Variants in GABRG1 observed in about 807,000 individuals in gnomAD.
GABRG1 encodes the protein gamma-aminobutyric acid receptor subunit gamma-1.
GABRG1 carries 49 observed loss-of-function variants against 49.8 expected under a neutral mutation model. That is an observed-to-expected ratio of 0.98 (90% CI 0.78 to 1.25). The LOEUF (loss-of-function observed/expected upper bound fraction) is 1.25, where lower values mean the gene tolerates loss of function less well. Ranked by LOEUF, GABRG1 falls within the 50% of genes most tolerant of loss-of-function variation. The pLI, the probability that GABRG1 is intolerant of heterozygous loss-of-function variation, is 0.00. For missense variants in GABRG1, 552 were observed against 552.3 expected, an observed-to-expected ratio of 1.00 and a Z score of 0.01; for synonymous variants, 232 against 185.1, an observed-to-expected ratio of 1.25 and a Z score of -2.06.
At chr4:46,113,112 C>G (rs887706495) in intron 1 of GABRG1, among the ~76,000 whole-genome samples, 1 of 151,120 alleles carries the variant, frequency 6.6e-6, no homozygotes, top group Non-Finnish European at 1.5e-5. Context: ...ACTATTTGCT[C>G]TTCTATCCAA....
In GABRG1 at chr4:46,097,364, GA is replaced by G. The variant is rs768920884; in HGVS notation, c.105-16del. On this transcript the variant is annotated splice_polypyrimidine_tract_variant and intron_variant, in intron 1 of 8. Coordinates refer to ENST00000295452, the MANE Select transcript of GABRG1 (RefSeq NM_173536.4). ...CCTTATCAACACTAAATAATTCAAA[GA>G]AAAAAATGGATGGTAGAAGGTTCAA... 28 of 1,581,370 alleles carry G rather than the reference GA, an allele frequency of 1.8e-5. No homozygotes were observed. The highest frequency in any genetic ancestry group is 2.3e-5 in the Non-Finnish European group (27 of 1,166,688).
chr4:46,089,688 C>T (rs1269983253), intron 2 of GABRG1, among the ~76,000 whole-genome samples: 2 of 152,046 alleles, frequency 1.3e-5, no homozygotes, highest in Admixed American at 1.3e-4. Context: ...ATAGGCTAGG[C>T]ATGGTGGCTT....
intron 3 of GABRG1, among the ~76,000 whole-genome samples, chr4:46,075,552 C>T (rs1719295851): frequency 6.6e-6 from 1 of 151,960 alleles, no homozygotes; most frequent in African/African-American, 2.4e-5. Context: ...ATCCGAATCC[C>T]CTGGCCTGAG....
At chr4:46,118,786 A>T (rs1318417707) in intron 1 of GABRG1, among the ~76,000 whole-genome samples, 1 of 150,036 alleles carries the variant, frequency 6.7e-6, no homozygotes, top group Admixed American at 6.6e-5. Flanking sequence ...GTACTGATAG[A>T]CTTAATGAAA....
At chr4:46,057,065 A>T (rs1408653399) in intron 7 of GABRG1, among the ~76,000 whole-genome samples, 1 of 152,146 alleles carries the variant, frequency 6.6e-6, no homozygotes, top group Admixed American at 6.6e-5. Flanking sequence ...AAAAATATGG[A>T]AATAGAAACA....
At chr4:46,104,063 T>C (rs1289057868) in intron 1 of GABRG1, among the ~76,000 whole-genome samples, 2 of 151,370 alleles carry the variant, frequency 1.3e-5, no homozygotes, top group Non-Finnish European at 3.0e-5. Flanking sequence ...ATAAGGAAAC[T>C]GGAGTTCTAA....
At chr4:46,048,844 G>A (rs1389471991) in intron 8 of GABRG1, among the ~76,000 whole-genome samples, 2 of 151,894 alleles carry the variant, frequency 1.3e-5, no homozygotes, top group East Asian at 1.9e-4. Context: ...ATATTTTTAG[G>A]TGGTTCTTTG....
At chr4:46,041,509 C>G (rs1464339377) in intron 8 of GABRG1, among the ~76,000 whole-genome samples, 3 of 151,828 alleles carry the variant, frequency 2.0e-5, no homozygotes, top group Non-Finnish European at 4.4e-5. Flanking sequence ...AGAAAGTTGA[C>G]TCACCAAAAT....
chr4:46,050,915 G>T (rs1238566726), intron 8 of GABRG1, among the ~76,000 whole-genome samples: 1 of 151,734 alleles, frequency 6.6e-6, no homozygotes, highest in Non-Finnish European at 1.5e-5. Context: ...ATTAGATTCA[G>T]GAGAATCCAT....
At chr4:46,047,085 C>T (rs770919595) in intron 8 of GABRG1, among the ~76,000 whole-genome samples, 1 of 152,110 alleles carries the variant, frequency 6.6e-6, no homozygotes, top group Non-Finnish European at 1.5e-5. Context: ...TACATCTACA[C>T]TCTTCAATAT....
At chr4:46,046,143 T>C (rs1046487875) in intron 8 of GABRG1, among the ~76,000 whole-genome samples, 7 of 152,118 alleles carry the variant, frequency 4.6e-5, no homozygotes, top group Non-Finnish European at 8.8e-5. Flanking sequence ...AATTGTTCTA[T>C]TTGTTTATTA....
At chr4:46,060,865 T>A (rs1169941649) in intron 5 of GABRG1, among the ~76,000 whole-genome samples, 1 of 152,152 alleles carries the variant, frequency 6.6e-6, no homozygotes, top group African/African-American at 2.4e-5. Flanking sequence ...ATAAACATGA[T>A]TGGCTAAATA....
At chr4:46,113,575 G>A (rs1720787169) in intron 1 of GABRG1, among the ~76,000 whole-genome samples, 1 of 151,112 alleles carries the variant, frequency 6.6e-6, no homozygotes, top group African/African-American at 2.4e-5. Flanking sequence ...ATACATAAAT[G>A]ATAAAGGATG....
At chr4:46,076,678 C>T (rs1474867966) in intron 3 of GABRG1, among the ~76,000 whole-genome samples, 8 of 151,418 alleles carry the variant, frequency 5.3e-5, no homozygotes, top group Non-Finnish European at 1.2e-4. Context: ...GCCCACAAAC[C>T]TGCCCTGAGG....
intron 7 of GABRG1, among the ~76,000 whole-genome samples, chr4:46,056,966 C>G (rs1718477350): frequency 6.6e-6 from 1 of 152,040 alleles, no homozygotes; most frequent in African/African-American, 2.4e-5. Flanking sequence ...GAACTTTATA[C>G]AAACCCAGTG....
intron 1 of GABRG1, among the ~76,000 whole-genome samples, chr4:46,109,961 T>A (rs1211732812): frequency 6.6e-6 from 1 of 151,146 alleles, no homozygotes; most frequent in East Asian, 2.0e-4. Context: ...GTAGGTTCCA[T>A]GTGCAGATGA....
intron 7 of GABRG1, among the ~76,000 whole-genome samples, chr4:46,052,228 T>TA (rs11308746): frequency 6.1e-4 from 89 of 146,624 alleles, no homozygotes; most frequent in South Asian, 2.2e-3. Flanking sequence ...CGCCTTGAAA[T>TA]AAAAAAAAAA....
chr4:46,074,640 C>T (rs113365167), intron 3 of GABRG1, among the ~76,000 whole-genome samples: 2,698 of 152,184 alleles, frequency 0.018, 95 homozygotes, highest in African/African-American at 0.061. Flanking sequence ...GTTTTCTCTG[C>T]TTCACATTTT....
At chr4:46,113,031 G>A (rs531083374) in intron 1 of GABRG1, among the ~76,000 whole-genome samples, 23 of 150,916 alleles carry the variant, frequency 1.5e-4, no homozygotes, top group Non-Finnish European at 3.1e-4. Context: ...CCCTCACTTG[G>A]CATGACTGAA....
Sources: gnomAD v4.1 joint callset for allele counts (sites outside exome capture counted in the v4.1 genomes callset) on GRCh38, gnomAD v4.1.1 for gene constraint, MANE v1.5 for transcripts, NCBI Gene and HGNC (gene_info 2026-07-23, HGNC 2026-07-21) for gene names.